MGAT5: variants seen among roughly 807,000 people sequenced by gnomAD.
MGAT5 encodes the protein alpha-1,6-mannosylglycoprotein 6-beta-N-acetylglucosaminyltransferase.
Under a neutral mutation model 94.3 loss-of-function variants are expected in MGAT5, and 30 were observed. The ratio of observed to expected loss-of-function variants is 0.32; its 90% CI spans 0.24 to 0.43. The LOEUF is 0.43. Ranked by LOEUF, MGAT5 falls within the 20% of genes least tolerant of loss-of-function variation. The pLI, the probability that MGAT5 is intolerant of heterozygous loss-of-function variation, is 1.00. For synonymous variants in MGAT5, 310 were observed against 322.9 expected, an observed-to-expected ratio of 0.96 and a Z score of 0.43; for missense variants, 691 against 905.5, an observed-to-expected ratio of 0.76 and a Z score of 3.04.
chr2:134,341,700 A>T lies in MGAT5; in HGVS notation c.918A>T (p.Thr306=). The part of the protein sequence containing the change: ...GELVQWSDLI[T]SLYLLGHDIR... ...TAGTTCAATGGAGTGATTTAATTAC[A>T]TCTCTGTACTTACTGGGCCATGACA... Residue 306 remains threonine (T), a synonymous_variant, in exon 7 of 16, where the codon ACA becomes ACT. Transcript: ENST00000281923. The T allele has an allele frequency of 6.2e-7, 1 of 1,613,578 alleles. No homozygotes were observed. The highest frequency in any genetic ancestry group is 2.2e-5 in the East Asian group (1 of 44,828).
upstream of MGAT5, among the ~76,000 whole-genome samples, chr2:134,252,567 T>C (rs1049139122): frequency 6.6e-6 from 1 of 152,056 alleles, no homozygotes. Flanking sequence ...GCTGATTCAG[T>C]GGGTGTGGGT....
At chr2:134,209,247 G>T (rs1381514202) in intron 1 of MGAT5, among the ~76,000 whole-genome samples, 1 of 50,032 alleles carries the variant, frequency 2.0e-5, no homozygotes, top group Non-Finnish European at 2.9e-5. Flanking sequence ...GTGCAGGTTA[G>T]TTACATATGT....
intron 2 of MGAT5, among the ~76,000 whole-genome samples, chr2:134,272,029 G>C (rs995062158): frequency 1.3e-5 from 2 of 152,174 alleles, no homozygotes; most frequent in African/African-American, 4.8e-5. Flanking sequence ...CCTGTGGCTT[G>C]TGAGCCTCTA....
intron 1 of MGAT5, among the ~76,000 whole-genome samples, chr2:134,228,520 C>T (rs1266590120): frequency 6.6e-6 from 1 of 152,194 alleles, no homozygotes; most frequent in African/African-American, 2.4e-5. Flanking sequence ...CTCAACTTCA[C>T]CCCTTTTTCT....
upstream of MGAT5, among the ~76,000 whole-genome samples, chr2:134,251,690 T>G (rs1359723896): frequency 6.6e-6 from 1 of 152,228 alleles, no homozygotes; most frequent in Non-Finnish European, 1.5e-5. Flanking sequence ...TCAATCCACA[T>G]ATACATTGTG....
chr2:134,132,886 A>T (rs1285890382), intron 1 of MGAT5, among the ~76,000 whole-genome samples: 2 of 152,222 alleles, frequency 1.3e-5, no homozygotes, highest in African/African-American at 4.8e-5. Flanking sequence ...TTGCCATCTA[A>T]CATTACACCC....
intron 2 of MGAT5, among the ~76,000 whole-genome samples, chr2:134,301,924 G>C (rs375589583): frequency 6.6e-6 from 1 of 152,124 alleles, no homozygotes; most frequent in Non-Finnish European, 1.5e-5. Context: ...AAGAGACCTG[G>C]GGGATGCAAG....
chr2:134,449,900 C>T lies in MGAT5; in HGVS notation c.*1053C>T, dbSNP rs939606849. ...TGTCCCCTCTGATGGCACCAAAGTC[C>T]AGGGAAGGGGGCTCTTGATGTCTGC... On this transcript the variant is annotated 3_prime_UTR_variant, in exon 16 of 16. Coordinates refer to ENST00000281923, the MANE Select transcript of MGAT5 (RefSeq NM_002410.5). 2 of 152,328 alleles carry T rather than the reference C, an allele frequency of 1.3e-5. No homozygotes were observed. Among genetic ancestry groups the T allele is most frequent in the Non-Finnish European group, 2.9e-5 (2 of 68,208 alleles). The allele number at this position is 152,328 out of a possible 1,614,324, so 9.4% of individuals were successfully genotyped here.
intron 1 of MGAT5, among the ~76,000 whole-genome samples, chr2:134,267,121 A>G (rs1683767423): frequency 6.6e-6 from 1 of 152,172 alleles, no homozygotes; most frequent in South Asian, 2.1e-4. Context: ...ACACATGGCA[A>G]AATCCCAGAG....
At chr2:134,412,376 G>A (rs1444407025) in intron 11 of MGAT5, among the ~76,000 whole-genome samples, 7 of 152,222 alleles carry the variant, frequency 4.6e-5, no homozygotes, top group Non-Finnish European at 8.8e-5. Flanking sequence ...AAGCAGTTCC[G>A]TTTGAACTGC....
rs1553487709 is a variant in MGAT5, at chr2:134,172,378, C to CTT, written c.-143+52098_-143+52099dup. Among the ~76,000 whole-genome samples the CTT allele has an allele frequency of 1.2e-4, 17 of 141,852 alleles. No homozygotes were observed. The East Asian group carries it at 3.5e-3, about 29-fold the overall frequency. 93.1% of individuals were successfully genotyped at this position (141,852 alleles called of 152,430 possible). On this transcript the variant is annotated intron_variant, in intron 1 of 16. Transcript: ENST00000409645. ...GAGGAAGGAATTTCCTAAGTACTCC[C>CTT]TTTTTTTTTTTTAATTAATTATTTT...
chr2:134,153,614 G>T (rs892941434), intron 1 of MGAT5, among the ~76,000 whole-genome samples: 2 of 152,118 alleles, frequency 1.3e-5, no homozygotes, highest in Admixed American at 6.5e-5. Flanking sequence ...TTTGTTTCCA[G>T]CCCATGTTGT....
intron 10 of MGAT5, among the ~76,000 whole-genome samples, chr2:134,394,627 T>G (rs1026630855): frequency 6.6e-6 from 1 of 152,232 alleles, no homozygotes; most frequent in East Asian, 1.9e-4. Context: ...TTATTTTTAA[T>G]TTATTCTTTA....
At chr2:134,303,213 C>G (rs1254990325) in intron 2 of MGAT5, among the ~76,000 whole-genome samples, 1 of 152,044 alleles carries the variant, frequency 6.6e-6, no homozygotes, top group Non-Finnish European at 1.5e-5. Flanking sequence ...TTTCCTTTGT[C>G]TTTAATCTTA....
intron 9 of MGAT5, among the ~76,000 whole-genome samples, chr2:134,354,395 G>A (rs1679588503): frequency 6.6e-6 from 1 of 152,144 alleles, no homozygotes; most frequent in Non-Finnish European, 1.5e-5. Context: ...CGTGGGGAAG[G>A]CCAGTCCAAA....
Position 134,344,924 on chromosome 2 carries a change from C to A in MGAT5, c.978-6C>A. 1.2e-6 allele frequency: 2 copies of A among 1,612,258 alleles called. No homozygotes were observed. The highest frequency in any genetic ancestry group is 8.5e-7 in the Non-Finnish European group (1 of 1,178,988). On this transcript the variant is annotated splice_region_variant and splice_polypyrimidine_tract_variant and intron_variant, in intron 7 of 15. Transcript: ENST00000281923. Reference sequence around the variant, plus strand: ...TTTTCTCCCCTCTCTTTTGCCGTTTCTCTAGAATCATGAAGAAGGTTGTAG... The same window carrying A: ...TTTTCTCCCCTCTCTTTTGCCGTTTATCTAGAATCATGAAGAAGGTTGTAG...
At chr2:134,305,010 TAG>T (rs1455090959) in intron 2 of MGAT5, among the ~76,000 whole-genome samples, 3 of 152,200 alleles carry the variant, frequency 2.0e-5, no homozygotes, top group Non-Finnish European at 4.4e-5. Flanking sequence ...AAATAGCTTT[TAG>T]CCTTTCTTCA....
At chr2:134,275,947 G>A (rs1684334468) in intron 2 of MGAT5, among the ~76,000 whole-genome samples, 2 of 152,050 alleles carry the variant, frequency 1.3e-5, no homozygotes, top group South Asian at 4.1e-4. Flanking sequence ...CAATATATAA[G>A]ACACTGCCCA....
chr2:134,131,570 T>G (rs1686167356), intron 1 of MGAT5, among the ~76,000 whole-genome samples: 1 of 129,538 alleles, frequency 7.7e-6, no homozygotes, highest in Non-Finnish European at 1.6e-5. Flanking sequence ...TGTGGTAGAT[T>G]GATTTTTTTT....
Sources: gnomAD v4.1 joint callset for allele counts (sites outside exome capture counted in the v4.1 genomes callset) on GRCh38, gnomAD v4.1.1 for gene constraint, MANE v1.5 for transcripts, NCBI Gene and HGNC (gene_info 2026-07-23, HGNC 2026-07-21) for gene names.